SUFU: variants seen among roughly 807,000 people sequenced by gnomAD.
The protein encoded by SUFU is SUFU negative regulator of hedgehog signaling.
In SUFU, 7 loss-of-function variants were observed where a neutral mutation model predicts 58.9. The ratio of observed to expected loss-of-function variants is 0.12; its 90% confidence interval spans 0.07 to 0.22. The LOEUF is 0.22. Among genes scored for constraint, SUFU ranks in the 10% least tolerant of loss-of-function variants. The pLI, the probability that SUFU is intolerant of heterozygous loss-of-function variation, is 1.00. For synonymous variants in SUFU, 232 were observed against 254.8 expected, an observed-to-expected ratio of 0.91 and a Z score of 0.85; for missense variants, 451 against 641.3, an observed-to-expected ratio of 0.70 and a Z score of 3.20.
chr10:102,505,382 G>C (rs1317816868), intron 1 of SUFU, among the ~76,000 whole-genome samples: 2 of 152,196 alleles, frequency 1.3e-5, no homozygotes, highest in African/African-American at 4.8e-5. Context: ...TGAGATATTG[G>C]TTGAAACTGT....
At position 102,617,449 on chromosome 10, in the gene SUFU, C is replaced by T. The variant is rs1380659939; in HGVS notation, c.1296+21C>T. ...TACAAGTGAGAAGGCCCTTTTTCTT[C>T]TCCCTCCTTCCTTTCATAGACTTCC... is the stretch of plus-strand genomic sequence containing the variant. On this transcript the variant is annotated intron_variant, in intron 10 of 11. Coordinates refer to ENST00000369902, the MANE Select transcript of SUFU (RefSeq NM_016169.4). The surrounding 1 kb of genome is among the most constrained non-coding windows in gnomAD (Gnocchi z 4.4). 1.9e-6 allele frequency: 3 copies of T among 1,614,022 alleles called. No homozygotes were observed. The highest frequency in any genetic ancestry group is 2.7e-5 in the African/African-American group (2 of 74,922).
intron 8 of SUFU, among the ~76,000 whole-genome samples, chr10:102,602,676 T>A (rs1371058136): frequency 6.6e-6 from 1 of 152,216 alleles, no homozygotes; most frequent in Non-Finnish European, 1.5e-5. Context: ...GCTAGGGGAT[T>A]TCTTTCCATT....
intron 3 of SUFU, among the ~76,000 whole-genome samples, chr10:102,572,325 C>T (rs1054502151): frequency 2.0e-5 from 3 of 151,432 alleles, no homozygotes; most frequent in African/African-American, 7.3e-5. Context: ...ATCCGTCTGC[C>T]TCGGCCTCCC....
intron 3 of SUFU, chr10:102,573,180 C>T (rs569521831): frequency 2.1e-5 from 16 of 762,714 alleles, no homozygotes; most frequent in African/African-American, 1.2e-4. Context: ...GCTTTGGCTT[C>T]GGCTTTAGGA....
At chr10:102,584,804 A>T (rs2063320179) in intron 3 of SUFU, among the ~76,000 whole-genome samples, 1 of 152,220 alleles carries the variant, frequency 6.6e-6, no homozygotes, top group South Asian at 2.1e-4. Context: ...GATGGTGCAC[A>T]GATATGGCAA....
At chr10:102,509,881 A>G (rs531965956) in intron 2 of SUFU, among the ~76,000 whole-genome samples, 181 of 152,174 alleles carry the variant, frequency 1.2e-3, no homozygotes, top group Admixed American at 2.0e-3. Context: ...TCTGTCATCC[A>G]GGCTAGAGTG....
rs1323897898 is a variant in SUFU at position 102,590,572 on chromosome 10, G to C, written c.455-2010G>C. On this transcript the variant is annotated intron_variant, in intron 3 of 11. Transcript: ENST00000369902. ...TTGGTCTATAGTTGTTTTTTTTCTT[G>C]TCTTACCTTTGCTTTTCATATCATG... Among the ~76,000 whole-genome samples the C allele has an allele frequency of 2.7e-5, 4 of 150,634 alleles. No homozygotes were observed. The East Asian group carries it at 6.0e-4, about 22-fold the overall frequency.
chr10:102,579,313 A>G (rs753441846), intron 3 of SUFU, among the ~76,000 whole-genome samples: 4 of 152,108 alleles, frequency 2.6e-5, no homozygotes, highest in South Asian at 2.1e-4. Flanking sequence ...TCCACAGTCT[A>G]TCTCTAGCTA....
chr10:102,611,150 A>G (rs543532305), intron 8 of SUFU, among the ~76,000 whole-genome samples: 9 of 152,296 alleles, frequency 5.9e-5, no homozygotes, highest in Admixed American at 5.9e-4. Context: ...TGGATGGAGG[A>G]TTTCAGAACC....
chr10:102,627,192 G>C lies in SUFU; in HGVS notation c.1314G>C (p.Glu438Asp). 6.2e-7 allele frequency: 1 copy of C among 1,614,258 alleles called. No homozygotes were observed. The highest frequency in any genetic ancestry group is 8.5e-7 in the Non-Finnish European group (1 of 1,180,042). ...GPWLQILLTE[E>D]FVEKMLEDLE... ...CTTCACAGATTCTGTTGACCGAAGA[G>C]TTTGTAGAGAAAATGTTGGAGGATT... Residue 438 changes from glutamate to aspartate, a missense_variant, in exon 11 of 12, where the codon GAG becomes GAC. Transcript: ENST00000369902.
At chr10:102,603,493 TTA>T (rs1453442255) in intron 8 of SUFU, among the ~76,000 whole-genome samples, 1 of 152,152 alleles carries the variant, frequency 6.6e-6, no homozygotes, top group Non-Finnish European at 1.5e-5. Flanking sequence ...GTGTGCACAC[TTA>T]TGTTAGAGGG....
intron 2 of SUFU, among the ~76,000 whole-genome samples, chr10:102,544,471 C>T (rs1439179971): frequency 2.0e-5 from 3 of 152,014 alleles, no homozygotes; most frequent in Non-Finnish European, 2.9e-5. Context: ...GAGGCCGAGA[C>T]GGGCAGATCA....
chr10:102,579,813 G>C, intron 3 of SUFU: 1 of 985,340 alleles, frequency 1.0e-6, no homozygotes, highest in Non-Finnish European at 1.2e-6. Context: ...ACACTCAAAT[G>C]AACTTTTCAA....
At chr10:102,511,080 C>T (rs1248377339) in intron 2 of SUFU, among the ~76,000 whole-genome samples, 1 of 146,542 alleles carries the variant, frequency 6.8e-6, no homozygotes. Context: ...AAGATTGTGC[C>T]ATTGTACTCC....
intron 3 of SUFU, among the ~76,000 whole-genome samples, chr10:102,576,900 A>G (rs1564689576): frequency 6.6e-6 from 1 of 151,944 alleles, no homozygotes; most frequent in African/African-American, 2.4e-5. Flanking sequence ...TTGTAGAGAC[A>G]GGGTCTCACT....
chr10:102,574,334 A>C (rs1253473079), intron 3 of SUFU, among the ~76,000 whole-genome samples: 2 of 152,262 alleles, frequency 1.3e-5, no homozygotes, highest in Non-Finnish European at 2.9e-5. Flanking sequence ...AACTGTTTTC[A>C]GTAATCATGT....
At position 102,628,965 on chromosome 10, in the gene SUFU, G is replaced by T. The variant is rs2063813013; in HGVS notation, c.1366-1101G>T. 6.6e-6 allele frequency among the ~76,000 whole-genome samples: 1 copy of T among 152,134 alleles called. No homozygotes were observed. The highest frequency in any genetic ancestry group is 2.4e-5 in the African/African-American group (1 of 41,412). On this transcript the variant is annotated intron_variant, in intron 11 of 11. Transcript: ENST00000369902. This position sits in a 1 kb window ranked among gnomAD's most constrained non-coding sequence, Gnocchi z 4.5. ...GAGGTCGGGAATTTGAGACCAGCCT[G>T]ACCAACATGGAGAAAACCCATCTCT...
At chr10:102,530,965 T>C (rs543452431) in intron 2 of SUFU, among the ~76,000 whole-genome samples, 1 of 151,688 alleles carries the variant, frequency 6.6e-6, no homozygotes, top group Non-Finnish European at 1.5e-5. Context: ...TGGCTGTGCA[T>C]GGTGGTTCAC....
chr10:102,528,057 G>A (rs1054913212), intron 2 of SUFU, among the ~76,000 whole-genome samples: 1 of 152,120 alleles, frequency 6.6e-6, no homozygotes, highest in Non-Finnish European at 1.5e-5. Flanking sequence ...CCATATTGAT[G>A]CCAAGAAACC....
Sources: gnomAD v4.1 joint callset for allele counts (sites outside exome capture counted in the v4.1 genomes callset) on GRCh38, gnomAD v4.1.1 for gene constraint, Gnocchi (gnomAD v3.1) non-coding constraint, MANE v1.5 for transcripts, NCBI Gene and HGNC (gene_info 2026-07-23, HGNC 2026-07-21) for gene names.